PRKAR1A: variants seen among roughly 807,000 people sequenced by gnomAD.
The protein encoded by PRKAR1A is protein kinase cAMP-dependent type I regulatory subunit alpha, also known as cAMP-dependent protein kinase type I-alpha regulatory subunit.
A neutral mutation model predicts 52.0 loss-of-function variants in PRKAR1A; 3 were observed. The ratio of observed to expected loss-of-function variants is 0.06; its 90% CI spans 0.03 to 0.15. The LOEUF (loss-of-function observed/expected upper bound fraction) is 0.15. PRKAR1A is among the 10% of genes least tolerant of loss of function. PRKAR1A has a pLI of 1.00. For synonymous variants in PRKAR1A, 188 were observed against 168.4 expected (o/e 1.12, Z -0.90); for missense variants, 240 against 477.4 (o/e 0.50, Z 4.63).
At chr17:68,458,211 G>A in the PRKAR1A span, among the ~76,000 whole-genome samples, 1 of 152,210 alleles carries the variant, frequency 6.6e-6, no homozygotes, top group African/African-American at 2.4e-5. Flanking sequence ...GCCGTACTAT[G>A]TATGTCATCT....
At chr17:68,427,739 T>C in the PRKAR1A span, among the ~76,000 whole-genome samples, 1 of 152,192 alleles carries the variant, frequency 6.6e-6, no homozygotes, top group Non-Finnish European at 1.5e-5. Context: ...TAGACAAAGA[T>C]TAGTCCTCTG....
intron 2 of PRKAR1A, among the ~76,000 whole-genome samples, chr17:68,522,427 T>C (rs2085640783): frequency 6.6e-6 from 1 of 152,244 alleles, no homozygotes; most frequent in African/African-American, 2.4e-5. Flanking sequence ...AGTGTGTTAC[T>C]GTTGTGTGCA....
the PRKAR1A span, among the ~76,000 whole-genome samples, chr17:68,455,191 G>A: frequency 0.013 from 1,975 of 151,898 alleles, 38 homozygotes; most frequent in African/African-American, 0.045. Flanking sequence ...GCAAAACCCC[G>A]TCTCTACTAA....
intron 11 of PRKAR1A, chr17:68,539,457 T>G: frequency 6.9e-7 from 1 of 1,449,470 alleles, no homozygotes; most frequent in Non-Finnish European, 9.7e-7. Flanking sequence ...CCCCTGAGGC[T>G]TCCTCTCTCC....
chr17:68,525,062 T>C (rs999655717), intron 6 of PRKAR1A, 104 bp downstream of exon 6: 35 of 905,752 alleles, frequency 3.9e-5, no homozygotes, highest in Non-Finnish European at 6.2e-5. Flanking sequence ...ACATCCCTTG[T>C]ATGTCAGATT....
At chr17:68,446,223 C>T in the PRKAR1A span, among the ~76,000 whole-genome samples, 1 of 151,940 alleles carries the variant, frequency 6.6e-6, no homozygotes, top group Non-Finnish European at 1.5e-5. Context: ...TTCTGTCACC[C>T]AGGCTGCAGT....
the PRKAR1A span, among the ~76,000 whole-genome samples, chr17:68,430,344 C>A: frequency 1.3e-5 from 2 of 152,274 alleles, no homozygotes; most frequent in South Asian, 4.1e-4. Flanking sequence ...TAAAGAGCAT[C>A]AAGGGCTTGT....
At chr17:68,519,229 T>A (rs572868340) in intron 2 of PRKAR1A, among the ~76,000 whole-genome samples, 1 of 152,302 alleles carries the variant, frequency 6.6e-6, no homozygotes, top group Admixed American at 6.5e-5. Flanking sequence ...ACTGTATTAG[T>A]CTGTTCTCAT....
intron 11 of PRKAR1A, chr17:68,539,794 T>C (rs2086208437): frequency 8.1e-7 from 1 of 1,240,354 alleles, no homozygotes; most frequent in Admixed American, 1.9e-5. Flanking sequence ...GAGGCCCTCA[T>C]TTGCAGGGCG....
Position 68,522,933 on chromosome 17 carries a change from T to C in PRKAR1A, c.348+7T>C. The C allele has an allele frequency of 1.2e-6, 2 of 1,613,328 alleles. No individual in the cohort carries two copies. Among genetic ancestry groups the C allele is most frequent in the Non-Finnish European group, 1.7e-6 (2 of 1,179,828 alleles). On this transcript the variant is annotated splice_region_variant and intron_variant, in intron 3 of 10. Transcript: ENST00000589228. ...GGCATCCTATGTTAGAAAGGTAGTT[T>C]TGATATTTGAATATCGGGGGGATGC...
the PRKAR1A span, among the ~76,000 whole-genome samples, chr17:68,417,957 C>T: frequency 6.6e-6 from 1 of 151,782 alleles, no homozygotes; most frequent in African/African-American, 2.4e-5. Flanking sequence ...GTCTCAAACT[C>T]CTGACCTCAT....
rs1033764683 is a variant in PRKAR1A, at chr17:68,512,528, C to G, written c.-27C>G. On this transcript the variant is annotated 5_prime_UTR_variant, in exon 1 of 11. Transcript: ENST00000589228. ...GCCGCCTCGCACCCGCAGCCTCGCGCCCGCCGCCGCCCGTCCCCAGGTGAG... is the reference window on the plus strand; with the variant it reads ...GCCGCCTCGCACCCGCAGCCTCGCGGCCGCCGCCGCCCGTCCCCAGGTGAG... The G allele has an allele frequency of 1.3e-5, 2 of 154,570 alleles. No homozygotes were observed. The highest frequency in any genetic ancestry group is 2.4e-5 in the African/African-American group (1 of 41,410). 9.6% of individuals were successfully genotyped at this position (154,570 alleles called of 1,614,324 possible). A position where few individuals can be genotyped will look rare whatever the true frequency, so the allele number is the denominator to read the frequency against.
chr17:68,435,175 C>T, the PRKAR1A span, among the ~76,000 whole-genome samples: 1 of 150,742 alleles, frequency 6.6e-6, no homozygotes. Flanking sequence ...CCATTGCACT[C>T]CAGCCTGGGC....
chr17:68,453,003 T>A, the PRKAR1A span: 1 of 1,605,990 alleles, frequency 6.2e-7, no homozygotes, highest in East Asian at 2.2e-5. Flanking sequence ...CTGTGGAGGA[T>A]AATGACAGCA....
At chr17:68,454,411 T>C in the PRKAR1A span, among the ~76,000 whole-genome samples, 114 of 152,330 alleles carry the variant, frequency 7.5e-4, 2 homozygotes, top group African/African-American at 2.5e-3. Flanking sequence ...TGATTTTCCC[T>C]GGAATTTTTT....
the PRKAR1A span, among the ~76,000 whole-genome samples, chr17:68,504,302 T>TA: frequency 3.0e-4 from 43 of 144,690 alleles, no homozygotes; most frequent in Middle Eastern, 3.5e-3. Context: ...CCATCTCTAC[T>TA]AAAAAAAAAA....
At chr17:68,430,916 T>C in the PRKAR1A span, among the ~76,000 whole-genome samples, 1 of 152,146 alleles carries the variant, frequency 6.6e-6, no homozygotes, top group East Asian at 1.9e-4. Context: ...GCCCTGCAGC[T>C]CAGAGCTCTG....
the PRKAR1A span, chr17:68,457,521 GCCCCTACCCCGCCCCGTCCCCA>G: frequency 3.8e-5 from 23 of 600,010 alleles, no homozygotes; most frequent in African/African-American, 6.9e-4. Context: ...GTCCTGCCCC[GCCCCTACCCCGCCCCGTCCCCA>G]CCCCGCCCCT....
chr17:68,426,295 T>C, the PRKAR1A span: 2 of 779,012 alleles, frequency 2.6e-6, no homozygotes, highest in East Asian at 2.6e-5. Context: ...CTGTCTGTCT[T>C]CCCCCTGGAG....
Sources: gnomAD v4.1 joint callset for allele counts (sites outside exome capture counted in the v4.1 genomes callset) on GRCh38, gnomAD v4.1.1 for gene constraint, MANE v1.5 for transcripts, NCBI Gene and HGNC (gene_info 2026-07-23, HGNC 2026-07-21) for gene names.